Variants in PIGZ observed in about 807,000 individuals in gnomAD.
The protein encoded by PIGZ is GPI alpha-1,2-mannosyltransferase 4.
In PIGZ, 16 loss-of-function variants were observed where a neutral mutation model predicts 16.4. The ratio of observed to expected loss-of-function variants is 0.97; its 90% confidence interval spans 0.66 to 1.48. The LOEUF (loss-of-function observed/expected upper bound fraction) is 1.48, where lower values mean the gene tolerates loss of function less well. Ranked by LOEUF, PIGZ falls within the 40% of genes most tolerant of loss-of-function variation. The probability of loss-of-function intolerance (pLI) is 0.00; values close to 1 mark genes in which losing one functional copy is unlikely to be tolerated. For missense variants in PIGZ, 770 were observed against 739.2 expected (o/e 1.04, Z -0.48); for synonymous variants, 409 against 338.4 (o/e 1.21, Z -2.29).
chr3:196,958,351 C>T (rs1453508875), intron 1 of PIGZ, among the ~76,000 whole-genome samples: 2 of 152,148 alleles, frequency 1.3e-5, no homozygotes, highest in Non-Finnish European at 2.9e-5. Flanking sequence ...CACTGTTAGG[C>T]CGGGCATGGT....
chr3:196,956,771 GT>G (rs1717505545), intron 1 of PIGZ, among the ~76,000 whole-genome samples: 3 of 152,198 alleles, frequency 2.0e-5, no homozygotes, highest in South Asian at 4.1e-4. Flanking sequence ...AATTTCAGTT[GT>G]TATATTTTTC....
At chr3:196,959,323 C>T (rs1277483662) in intron 1 of PIGZ, among the ~76,000 whole-genome samples, 2 of 152,202 alleles carry the variant, frequency 1.3e-5, no homozygotes, top group African/African-American at 4.8e-5. Context: ...TAAGGGATGT[C>T]TGACCATTCA....
rs3042833 is a variant in PIGZ, at chr3:196,957,171, T to TTGTGTGTGTG, written c.1-5150_1-5141dup. Among the ~76,000 whole-genome samples the TTGTGTGTGTG allele has an allele frequency of 2.9e-4, 42 of 146,706 alleles. 1 individual carries two copies. Among genetic ancestry groups the TTGTGTGTGTG allele is most frequent in the South Asian group, 2.8e-3 (13 of 4,592 alleles). On this transcript the variant is annotated intron_variant, in intron 1 of 2. Coordinates refer to ENST00000412723, the MANE Select transcript of PIGZ (RefSeq NM_025163.4). ...CTAATCAAATTTTTGGCTCCAGGTT[T>TTGTGTGTGTG]TGTGTGTGTGTGTGTGTGTGTGTGT...
intron 1 of PIGZ, among the ~76,000 whole-genome samples, chr3:196,958,539 G>C (rs1419568793): frequency 6.6e-6 from 1 of 152,236 alleles, no homozygotes; most frequent in Non-Finnish European, 1.5e-5. Context: ...GCTGAGGCAG[G>C]AGAATCGCTT....
chr3:196,948,466 A>G lies in PIGZ; in HGVS notation c.431T>C (p.Val144Ala), dbSNP rs1160883656. 3 of 1,613,810 alleles carry G rather than the reference A, an allele frequency of 1.9e-6. No individual in the cohort carries two copies. ...TALSFALDGA[V>A]YHLAPPMGAD... ...CCCCATCGGCGGGGCCAGGTGGTACACGGCCCCGTCCAGAGCAAAGGAAAG... is the reference window on the plus strand; with the variant it reads ...CCCCATCGGCGGGGCCAGGTGGTACGCGGCCCCGTCCAGAGCAAAGGAAAG... Residue 144 changes from valine to alanine, a missense_variant, in exon 3 of 3, where the codon GTG (valine) becomes GCG (alanine). Transcript: ENST00000412723.
chr3:196,958,858 AC>A (rs1243111763), intron 1 of PIGZ, among the ~76,000 whole-genome samples: 1 of 152,182 alleles, frequency 6.6e-6, no homozygotes, highest in Non-Finnish European at 1.5e-5. Flanking sequence ...TATTTAAGGG[AC>A]AGCCTTGGTC....
At chr3:196,963,866 C>T (rs964445692) in intron 1 of PIGZ, among the ~76,000 whole-genome samples, 2 of 152,192 alleles carry the variant, frequency 1.3e-5, no homozygotes, top group African/African-American at 4.8e-5. Flanking sequence ...TCCTGGTCTT[C>T]AATGTCCTCC....
At chr3:196,964,673 G>A (rs1251367829) in intron 1 of PIGZ, among the ~76,000 whole-genome samples, 2 of 152,148 alleles carry the variant, frequency 1.3e-5, no homozygotes, top group African/African-American at 4.8e-5. Flanking sequence ...CCATTTATTA[G>A]ATACATATTA....
At chr3:196,957,627 G>A (rs879534134) in intron 1 of PIGZ, among the ~76,000 whole-genome samples, 9 of 152,106 alleles carry the variant, frequency 5.9e-5, no homozygotes, top group Non-Finnish European at 1.2e-4. Flanking sequence ...TGATCCGCCG[G>A]CCTCAGCCTC....
At position 196,947,601 on chromosome 3, in the gene PIGZ, C is replaced by G; in HGVS notation, c.1296G>C (p.Gln432His). 6.2e-7 allele frequency: 1 copy of G among 1,613,596 alleles called. No individual in the cohort carries two copies. Among genetic ancestry groups the G allele is most frequent in the Non-Finnish European group, 8.5e-7 (1 of 1,179,742 alleles). ...LGALLFGCLH[Q>H]GGLVPGLEYL... Reference sequence around the variant, plus strand: ...ACTCCAGGCCAGGCACCAGGCCCCCCTGATGCAGGCAGCCGAAGAGGAGGG... The same window carrying G: ...ACTCCAGGCCAGGCACCAGGCCCCCGTGATGCAGGCAGCCGAAGAGGAGGG... Residue 432 changes from glutamine (Q) to histidine (H), a missense_variant, in exon 3 of 3, where the codon CAG (glutamine) becomes CAC (histidine). Physicochemically the swap from Gln to His is conservative, Grantham distance 24. Coordinates refer to ENST00000412723, the MANE Select transcript of PIGZ (RefSeq NM_025163.4).
chr3:196,947,591 C>T lies in PIGZ; in HGVS notation c.1306G>A (p.Val436Met). ...LFGCLHQGGL[V>M]PGLEYLEQVV... Reference sequence around the variant, plus strand: ...TGCTCCAGGTACTCCAGGCCAGGCACCAGGCCCCCCTGATGCAGGCAGCCG... The same window carrying T: ...TGCTCCAGGTACTCCAGGCCAGGCATCAGGCCCCCCTGATGCAGGCAGCCG... Residue 436 changes from valine (V) to methionine (M), a missense_variant, in exon 3 of 3, where the codon GTG (valine) becomes ATG (methionine). Coordinates refer to ENST00000412723, the MANE Select transcript of PIGZ (RefSeq NM_025163.4). 6.2e-7 allele frequency: 1 copy of T among 1,613,770 alleles called. No individual in the cohort carries two copies. Among genetic ancestry groups the T allele is most frequent in the Non-Finnish European group, 8.5e-7 (1 of 1,179,868 alleles).
At chr3:196,950,017 ACT>A (rs1029964245) in intron 2 of PIGZ, among the ~76,000 whole-genome samples, 9 of 151,324 alleles carry the variant, frequency 5.9e-5, no homozygotes, top group African/African-American at 1.9e-4. Context: ...ACAGAGTCTC[ACT>A]CTGTCACGCA....
Position 196,947,441 on chromosome 3 carries a change from C to T in PIGZ, c.1456G>A (p.Asp486Asn), listed in dbSNP as rs765011561. Residue 486 changes from aspartate (D) to asparagine (N), a missense_variant, in exon 3 of 3, where the codon GAC becomes AAC. Coordinates refer to ENST00000412723, the MANE Select transcript of PIGZ (RefSeq NM_025163.4). The part of the protein sequence containing the change: ...PGLGAPVEVV[D>N]MGGTEDWALC... ...GCCCAGTCCTCAGTCCCCCCCATGT[C>T]CACCACCTCCACTGGTGCCCCCAGG... 1.3e-5 allele frequency: 21 copies of T among 1,613,690 alleles called. 1 individual carries two copies. The South Asian group carries it at 2.1e-4, about 16-fold the overall frequency.
chr3:196,950,333 C>T (rs1378174162), intron 2 of PIGZ, among the ~76,000 whole-genome samples: 2 of 152,194 alleles, frequency 1.3e-5, no homozygotes, highest in Non-Finnish European at 2.9e-5. Flanking sequence ...GTAGTACTTA[C>T]ATAATTTAAG....
chr3:196,946,999 A>G lies in PIGZ; in HGVS notation c.*158T>C, dbSNP rs2108890574. ...GGAGAAGAGTGCCAGCTCACCCAGA[A>G]GGCAGAACAGCTAACAGCCATGCCC... On this transcript the variant is annotated 3_prime_UTR_variant, in exon 3 of 3. Coordinates refer to ENST00000412723, the MANE Select transcript of PIGZ (RefSeq NM_025163.4). 1.6e-6 allele frequency: 1 copy of G among 614,262 alleles called. No homozygotes were observed. Among genetic ancestry groups the G allele is most frequent in the Non-Finnish European group, 2.7e-6 (1 of 367,182 alleles). 38.1% of individuals were successfully genotyped at this position (614,262 alleles called of 1,614,324 possible).
In PIGZ at chr3:196,948,222, G is replaced by A; in HGVS notation, c.675C>T (p.Phe225=). The A allele has an allele frequency of 6.2e-7, 1 of 1,614,206 alleles. No homozygotes were observed. Among genetic ancestry groups the A allele is most frequent in the South Asian group, 1.1e-5 (1 of 91,088 alleles). The part of the protein sequence containing the change: ...LLGGIVAAGF[F]NRPTFLAFAV... ...CAAAGGCCAGAAAGGTGGGCCGGTTGAAGAAGCCAGCAGCCACAATGCCTC... is the reference window on the plus strand; with the variant it reads ...CAAAGGCCAGAAAGGTGGGCCGGTTAAAGAAGCCAGCAGCCACAATGCCTC... Residue 225 remains phenylalanine, a synonymous_variant, in exon 3 of 3, where the codon TTC becomes TTT. Coordinates refer to ENST00000412723, the MANE Select transcript of PIGZ (RefSeq NM_025163.4).
At chr3:196,955,461 T>C (rs1717440529) in intron 1 of PIGZ, among the ~76,000 whole-genome samples, 1 of 152,110 alleles carries the variant, frequency 6.6e-6, no homozygotes, top group South Asian at 2.1e-4. Context: ...TCTCTAGTTC[T>C]GTTTTGTCCT....
intron 1 of PIGZ, among the ~76,000 whole-genome samples, chr3:196,967,429 G>A (rs1717976031): frequency 6.6e-6 from 1 of 152,226 alleles, no homozygotes; most frequent in African/African-American, 2.4e-5. Context: ...TATGGGAGAA[G>A]GCGGCGGGCC....
intron 1 of PIGZ, among the ~76,000 whole-genome samples, chr3:196,958,448 T>C (rs1215903554): frequency 6.6e-6 from 1 of 152,070 alleles, no homozygotes; most frequent in African/African-American, 2.4e-5. Flanking sequence ...CTGGCCAACA[T>C]GGTGAAACCC....
Sources: allele counts gnomAD v4.1 joint callset (sites outside exome capture counted in the v4.1 genomes callset), GRCh38; gene constraint gnomAD v4.1.1; transcripts MANE v1.5; gene names NCBI Gene and HGNC (gene_info 2026-07-23, HGNC 2026-07-21).